PRDM2: variants seen among roughly 807,000 people sequenced by gnomAD.
PRDM2 encodes the protein PR domain zinc finger protein 2.
In PRDM2, 30 loss-of-function variants were observed where a neutral mutation model predicts 130.0. That is an observed-to-expected ratio of 0.23 (90% CI 0.17 to 0.31). The LOEUF (loss-of-function observed/expected upper bound fraction) is 0.31. Among genes scored for constraint, PRDM2 ranks in the 10% least tolerant of loss-of-function variants. PRDM2 has a pLI of 1.00. For synonymous variants in PRDM2, 871 were observed against 782.4 expected (o/e 1.11, Z -1.89); for missense variants, 2,011 against 2,108.4 (o/e 0.95, Z 0.90).
chr1:13,808,742 GAATACAATGATGAACAAA>G (rs1645125729), intron 8 of PRDM2, among the ~76,000 whole-genome samples: 1 of 152,182 alleles, frequency 6.6e-6, no homozygotes. Flanking sequence ...TAGGTACTAA[GAATACAATGATGAACAAA>G]ACTCAACCAC....
intron 6 of PRDM2, among the ~76,000 whole-genome samples, chr1:13,765,526 C>T (rs1321957675): frequency 2.0e-5 from 3 of 151,872 alleles, no homozygotes; most frequent in African/African-American, 4.8e-5. Flanking sequence ...AGTGCAGTGG[C>T]GGGATCTAGG....
Position 13,783,698 on chromosome 1 carries a change from G to A in PRDM2, c.5036+867G>A, listed in dbSNP as rs535444268. Reference sequence around the variant, plus strand: ...GTTACATTGGATTCTCAAACTTCCTGAGTCCTTTGTCCGAAGTGGATGTGT... The same window carrying A: ...GTTACATTGGATTCTCAAACTTCCTAAGTCCTTTGTCCGAAGTGGATGTGT... On this transcript the variant is annotated intron_variant, in intron 8 of 9. Transcript: ENST00000311066. 1.7e-4 allele frequency among the ~76,000 whole-genome samples: 26 copies of A among 152,326 alleles called. No individual in the cohort carries two copies. The South Asian group carries it at 5.2e-3, about 30-fold the overall frequency.
chr1:13,780,838 A>G lies in PRDM2; in HGVS notation c.3043A>G (p.Thr1015Ala), dbSNP rs775397418. Residue 1015 changes from threonine (T) to alanine (A), a missense_variant, in exon 8 of 10, where the codon ACC becomes GCC. Physicochemically the swap from Thr to Ala is moderately conservative, Grantham distance 58. Transcript: ENST00000311066. Reference protein sequence around the residue: ...HPCPSPLSNATAQSPLPILSP... With the variant: ...HPCPSPLSNAAAQSPLPILSP... ...ATGCCCCTCTCCACTCTCAAATGCC[A>G]CCGCACAGTCCCCACTTCCAATTCT... The G allele has an allele frequency of 1.2e-4, 195 of 1,592,224 alleles. 1 individual carries two copies. Among genetic ancestry groups the G allele is most frequent in the Non-Finnish European group, 1.5e-4 (179 of 1,171,136 alleles).
At chr1:13,700,362 G>A (rs1157831783) in intron 1 of PRDM2, 62 bp downstream of exon 1, 2 of 149,074 alleles carry the variant, frequency 1.3e-5, no homozygotes, top group Non-Finnish European at 3.0e-5. Flanking sequence ...CCCTCCCCCC[G>A]AGGAGCGCGG....
chr1:13,770,094 C>T (rs980212887), intron 6 of PRDM2, among the ~76,000 whole-genome samples: 8 of 152,234 alleles, frequency 5.3e-5, no homozygotes, highest in African/African-American at 1.7e-4. Context: ...GTGGCGGGAT[C>T]CCCTCCTTAG....
intron 2 of PRDM2, 127 bp downstream of exon 2, chr1:13,715,741 T>A: frequency 1.2e-6 from 1 of 803,236 alleles, no homozygotes; most frequent in Non-Finnish European, 1.9e-6. Flanking sequence ...TTAATACCAT[T>A]AATTAGTTCA....
chr1:13,825,009 G>A lies in PRDM2; in HGVS notation c.*1874G>A, dbSNP rs1312556366. On this transcript the variant is annotated 3_prime_UTR_variant, in exon 10 of 10. Coordinates refer to ENST00000311066, the MANE Select transcript of PRDM2 (RefSeq NM_001393986.1). This position sits in a 1 kb window ranked among gnomAD's most constrained non-coding sequence, Gnocchi z 4.9. ...TTTCCTGGTCAGTGGTGGTCTTCAA[G>A]ACGACAGCTCTGTATCTGCCATGTG... 1.3e-5 allele frequency: 2 copies of A among 152,696 alleles called. No individual in the cohort carries two copies. Among genetic ancestry groups the A allele is most frequent in the African/African-American group, 4.8e-5 (2 of 41,472 alleles). The allele number at this position is 152,696 out of a possible 1,614,324, so 9.5% of individuals were successfully genotyped here.
Position 13,773,089 on chromosome 1 carries a change from T to C in PRDM2, c.523T>C (p.Ser175Pro), listed in dbSNP as rs766892261. The C allele has an allele frequency of 7.9e-5, 121 of 1,526,118 alleles. No individual in the cohort carries two copies. The highest frequency in any genetic ancestry group is 1.0e-4 in the Non-Finnish European group (115 of 1,140,854). 94.5% of individuals were successfully genotyped at this position (1,526,118 alleles called of 1,614,324 possible). A position where few individuals can be genotyped will look rare whatever the true frequency, so the allele number is the denominator to read the frequency against. Reference sequence around the variant, plus strand: ...AAATTGTGTTTCAGGGAAGAAAAAATCCCAGGAAAATAAAAACAAAGGAAA... The same window carrying C: ...AAATTGTGTTTCAGGGAAGAAAAAACCCCAGGAAAATAAAAACAAAGGAAA... ...SPKSRKGKKK[S>P]QENKNKGNKI... The change falls in exon 7 of 10, where the codon TCC (serine) becomes CCC (proline). Residue 175 changes from serine (S) to proline (P), a missense_variant. Coordinates refer to ENST00000311066, the MANE Select transcript of PRDM2 (RefSeq NM_001393986.1).
chr1:13,737,709 T>C (rs1347360157), intron 4 of PRDM2, among the ~76,000 whole-genome samples: 5 of 152,274 alleles, frequency 3.3e-5, no homozygotes, highest in Admixed American at 1.3e-4. Flanking sequence ...GACATTGAAG[T>C]ACAGAGAATT....
intron 8 of PRDM2, among the ~76,000 whole-genome samples, chr1:13,805,806 C>G (rs952765749): frequency 6.6e-6 from 1 of 152,132 alleles, no homozygotes; most frequent in Non-Finnish European, 1.5e-5. Context: ...AAGGAGGGAC[C>G]AGGGCAGGCA....
intron 6 of PRDM2, among the ~76,000 whole-genome samples, chr1:13,765,133 G>A (rs1340840475): frequency 1.3e-5 from 2 of 152,128 alleles, no homozygotes; most frequent in Non-Finnish European, 2.9e-5. Flanking sequence ...CACCCACCCC[G>A]CTGCAAACCT....
At position 13,824,691 on chromosome 1, in the gene PRDM2, G is replaced by A. The variant is rs769120357; in HGVS notation, c.*1556G>A. 6.6e-6 allele frequency: 1 copy of A among 152,156 alleles called. No individual in the cohort carries two copies. The highest frequency in any genetic ancestry group is 2.4e-5 in the African/African-American group (1 of 41,438). The allele number at this position is 152,156 out of a possible 1,614,324, so 9.4% of individuals were successfully genotyped here. On this transcript the variant is annotated 3_prime_UTR_variant, in exon 10 of 10. Coordinates refer to ENST00000311066, the MANE Select transcript of PRDM2 (RefSeq NM_001393986.1). ...ACCCTCACAAGCATGAAGTGCTGTG[G>A]CTGTTCCTTATCCTAATGATGCGCT...
rs976163181 is a variant in PRDM2, at chr1:13,713,833, G to A, written c.-65-1708G>A. 3.3e-5 allele frequency among the ~76,000 whole-genome samples: 5 copies of A among 152,104 alleles called. 1 individual carries two copies. The highest frequency in any genetic ancestry group is 1.2e-4 in the African/African-American group (5 of 41,412). Reference sequence around the variant, plus strand: ...TCGAGGGTCAGGTGTGCACATCTGAGGGATCACTAACCTCATCACTGTTTA... The same window carrying A: ...TCGAGGGTCAGGTGTGCACATCTGAAGGATCACTAACCTCATCACTGTTTA... On this transcript the variant is annotated intron_variant, in intron 1 of 9. Transcript: ENST00000311066.
intron 8 of PRDM2, among the ~76,000 whole-genome samples, chr1:13,789,863 G>A (rs960014534): frequency 6.6e-6 from 1 of 152,214 alleles, no homozygotes; most frequent in African/African-American, 2.4e-5. Context: ...ATCGTTCCCC[G>A]TCAGCCTTTA....
rs139553036 is a variant in PRDM2 at position 13,764,480 on chromosome 1, CTT to C, written c.512-8597_512-8596del. On this transcript the variant is annotated intron_variant, in intron 6 of 9. Transcript: ENST00000311066. ...TGAGGCTCCAAAGAAGGTAAGGAAACTTAATGCTTTCTTATCTTGAATTTGGT... is the reference window on the plus strand; with the variant it reads ...TGAGGCTCCAAAGAAGGTAAGGAAACAATGCTTTCTTATCTTGAATTTGGT... Among the ~76,000 whole-genome samples, 329 of 152,342 alleles carry C rather than the reference CTT, an allele frequency of 2.2e-3. 7 individuals carry two copies. In the South Asian group the frequency reaches 0.048, roughly 22 times the overall value.
intron 1 of PRDM2, among the ~76,000 whole-genome samples, chr1:13,703,789 G>A (rs940066302): frequency 6.6e-5 from 10 of 152,194 alleles, no homozygotes; most frequent in African/African-American, 2.4e-4. Context: ...AAAGCAACTT[G>A]GTCCAGCAAC....
At chr1:13,773,952 A>G (rs1205322057) in intron 7 of PRDM2, among the ~76,000 whole-genome samples, 1 of 152,246 alleles carries the variant, frequency 6.6e-6, no homozygotes, top group Non-Finnish European at 1.5e-5. Context: ...TATACTTCAA[A>G]TTAAGCATTT....
At chr1:13,820,515 C>T (rs931050388) in intron 9 of PRDM2, among the ~76,000 whole-genome samples, 3 of 152,220 alleles carry the variant, frequency 2.0e-5, no homozygotes, top group Non-Finnish European at 2.9e-5. Flanking sequence ...AGGGGTTCAG[C>T]GGGAGGCCCA....
intron 8 of PRDM2, among the ~76,000 whole-genome samples, chr1:13,809,390 C>T (rs1645136290): frequency 6.6e-6 from 1 of 152,078 alleles, no homozygotes; most frequent in Non-Finnish European, 1.5e-5. Context: ...AAGGCGGACT[C>T]GATGGAGCCA....
Sources: gnomAD v4.1 joint callset for allele counts (sites outside exome capture counted in the v4.1 genomes callset) on GRCh38, gnomAD v4.1.1 for gene constraint, Gnocchi (gnomAD v3.1) non-coding constraint, MANE v1.5 for transcripts, NCBI Gene and HGNC (gene_info 2026-07-23, HGNC 2026-07-21) for gene names.